The following PATJ variants were observed in gnomAD, a reference collection of about 807,000 sequenced individuals.
The protein encoded by PATJ is PATJ crumbs cell polarity complex component.
A neutral mutation model predicts 224.9 loss-of-function variants in PATJ; 190 were observed. That is an observed-to-expected ratio of 0.84 (90% CI 0.75 to 0.95). PATJ has a LOEUF of 0.95. PATJ is among the 40% of genes least tolerant of loss of function. The probability of loss-of-function intolerance (pLI) is 0.00; values close to 1 mark genes in which losing one functional copy is unlikely to be tolerated. For synonymous variants in PATJ, 769 were observed against 820.3 expected (o/e 0.94, Z 1.07); for missense variants, 2,121 against 2,270.3 (o/e 0.93, Z 1.34).
At chr1:62,111,895 C>T (rs1266398793) in intron 34 of PATJ, among the ~76,000 whole-genome samples, 4 of 151,546 alleles carry the variant, frequency 2.6e-5, no homozygotes, top group East Asian at 2.0e-4. Flanking sequence ...CTCCTGACCT[C>T]GTGATCTGCC....
At chr1:61,935,190 A>G (rs1676660663) in intron 27 of PATJ, among the ~76,000 whole-genome samples, 1 of 152,214 alleles carries the variant, frequency 6.6e-6, no homozygotes, top group Non-Finnish European at 1.5e-5. Flanking sequence ...AATGAGAACC[A>G]CATTATAGAC....
At chr1:61,925,749 T>C (rs572198531) in intron 26 of PATJ, among the ~76,000 whole-genome samples, 1 of 152,340 alleles carries the variant, frequency 6.6e-6, no homozygotes, top group South Asian at 2.1e-4. Context: ...AGGTGCCAGG[T>C]ATTTGTTTAA....
chr1:61,838,219 T>A (rs1370783578), intron 17 of PATJ, among the ~76,000 whole-genome samples: 1 of 152,180 alleles, frequency 6.6e-6, no homozygotes, highest in Non-Finnish European at 1.5e-5. Context: ...TAGTGGCTAG[T>A]TAAAATCCCA....
chr1:62,044,162 C>T (rs1652067913), intron 30 of PATJ, among the ~76,000 whole-genome samples: 1 of 152,224 alleles, frequency 6.6e-6, no homozygotes. Flanking sequence ...GAATACAGTA[C>T]ATTGTTGTAC....
chr1:61,842,198 A>G (rs753469759), intron 17 of PATJ, among the ~76,000 whole-genome samples: 52 of 152,286 alleles, frequency 3.4e-4, no homozygotes, highest in Non-Finnish European at 5.7e-4. Context: ...TAAGAGATCA[A>G]AGAGGCTGTG....
At chr1:61,771,811 C>T (rs765163588) in intron 6 of PATJ, among the ~76,000 whole-genome samples, 185 bp downstream of exon 6, 3 of 151,960 alleles carry the variant, frequency 2.0e-5, no homozygotes, top group Admixed American at 6.6e-5. Context: ...CCTCCACCTC[C>T]TGGAATCAAG....
intron 42 of PATJ, among the ~76,000 whole-genome samples, chr1:62,150,173 T>G (rs1440999268): frequency 1.9e-4 from 29 of 152,134 alleles, no homozygotes; most frequent in Admixed American, 1.9e-3. Flanking sequence ...TGGGGAAAAG[T>G]AGAGCCTTAT....
intron 28 of PATJ, among the ~76,000 whole-genome samples, chr1:62,015,071 G>A (rs1234946038): frequency 6.6e-6 from 1 of 152,118 alleles, no homozygotes; most frequent in East Asian, 1.9e-4. Context: ...AGTCCGAGGA[G>A]GGCGGACCAC....
At chr1:61,742,827 C>T (rs893949013) in intron 1 of PATJ, among the ~76,000 whole-genome samples, 5 of 150,608 alleles carry the variant, frequency 3.3e-5, no homozygotes, top group African/African-American at 1.2e-4. Context: ...TGCGTCGGGC[C>T]CGGGTGACCC....
intron 31 of PATJ, among the ~76,000 whole-genome samples, chr1:62,066,387 CTTT>C (rs200726650): frequency 1.4e-5 from 2 of 145,026 alleles, no homozygotes; most frequent in Admixed American, 7.0e-5. Flanking sequence ...GCTGTGGGAA[CTTT>C]TTTTTTTTTT....
At position 62,114,119 on chromosome 1, in the gene PATJ, C is replaced by G. The variant is rs372893315; in HGVS notation, c.4528C>G (p.Gln1510Glu). ...EAITALRQTP[Q>E]KVRLVVYRDE... is the part of the protein sequence containing the mutation. ...CATCACAGCCCTGAGGCAGACCCCC[C>G]AGAAGGTGCGGCTGGTGGTGTATAG... The change falls in exon 35 of 44, where the codon CAG becomes GAG. Residue 1510 changes from glutamine (Q) to glutamate (E), a missense_variant. Gln to Glu is a conservative substitution (Grantham distance 29, BLOSUM62 2). Coordinates refer to ENST00000642238, the MANE Select transcript of PATJ (RefSeq NM_001350145.3). The G allele has an allele frequency of 3.8e-5, 61 of 1,614,152 alleles. No homozygotes were observed. The highest frequency in any genetic ancestry group is 3.6e-4 in the East Asian group (16 of 44,878).
intron 33 of PATJ, among the ~76,000 whole-genome samples, chr1:62,100,833 T>C (rs1321881347): frequency 6.6e-6 from 1 of 152,182 alleles, no homozygotes; most frequent in Non-Finnish European, 1.5e-5. Context: ...CATAGAGCCC[T>C]GAACAGACAT....
chr1:62,099,347 C>CTTTTT (rs71050197), intron 33 of PATJ, among the ~76,000 whole-genome samples: 7 of 55,674 alleles, frequency 1.3e-4, no homozygotes, highest in African/African-American at 2.3e-4. Flanking sequence ...ATATCTCCAA[C>CTTTTT]TTTTTTTTTT....
Position 61,856,254 on chromosome 1 carries a change from T to C in PATJ, c.2322+15T>C, listed in dbSNP as rs1367958028. 3 of 1,597,564 alleles carry C rather than the reference T, an allele frequency of 1.9e-6. No individual in the cohort carries two copies. Among genetic ancestry groups the C allele is most frequent in the Non-Finnish European group, 1.7e-6 (2 of 1,164,902 alleles). ...AGCCTTTGGTGGTAAGTGTTGTATTTTGTTAATATAGGAAGTGATAATAGT... is the reference window on the plus strand; with the variant it reads ...AGCCTTTGGTGGTAAGTGTTGTATTCTGTTAATATAGGAAGTGATAATAGT... On this transcript the variant is annotated intron_variant, in intron 18 of 43. Coordinates refer to ENST00000642238, the MANE Select transcript of PATJ (RefSeq NM_001350145.3).
chr1:62,107,325 G>C (rs1663214659), intron 33 of PATJ, among the ~76,000 whole-genome samples: 1 of 151,200 alleles, frequency 6.6e-6, no homozygotes, highest in South Asian at 2.1e-4. Context: ...AAAAGGAGAA[G>C]CTGTGTCCCT....
intron 33 of PATJ, among the ~76,000 whole-genome samples, chr1:62,100,034 T>C (rs1661950305): frequency 6.6e-6 from 1 of 152,220 alleles, no homozygotes; most frequent in Admixed American, 6.5e-5. Context: ...GAAATTCTTT[T>C]CCAACAATTC....
intron 16 of PATJ, among the ~76,000 whole-genome samples, chr1:61,832,578 A>G (rs549316466): frequency 6.6e-6 from 1 of 152,154 alleles, no homozygotes; most frequent in Admixed American, 6.5e-5. Flanking sequence ...AGAGAAACAC[A>G]CTCAAAGATA....
intron 39 of PATJ, among the ~76,000 whole-genome samples, chr1:62,125,266 A>C (rs1403735705): frequency 2.7e-5 from 4 of 145,874 alleles, no homozygotes; most frequent in Non-Finnish European, 4.5e-5. Flanking sequence ...AAAAAAAACA[A>C]AAAAAAAACG....
At chr1:61,796,663 T>G (rs187328193) in intron 10 of PATJ, among the ~76,000 whole-genome samples, 71 of 38,282 alleles carry the variant, frequency 1.9e-3, no homozygotes, top group African/African-American at 4.5e-3. Context: ...ATTTATTTTC[T>G]TTCTTTCTTT....
Sources: gnomAD v4.1 joint callset for allele counts (sites outside exome capture counted in the v4.1 genomes callset) on GRCh38, gnomAD v4.1.1 for gene constraint, MANE v1.5 for transcripts, NCBI Gene and HGNC (gene_info 2026-07-23, HGNC 2026-07-21) for gene names.